The following AP2A2 variants were observed in gnomAD, a reference collection of about 807,000 sequenced individuals.
AP2A2 encodes adaptor related protein complex 2 subunit alpha 2.
A neutral mutation model predicts 104.2 loss-of-function variants in AP2A2; 32 were observed. That is an observed-to-expected ratio of 0.31 (90% CI 0.23 to 0.41). The LOEUF is 0.41. Ranked by LOEUF, AP2A2 falls within the 10% of genes least tolerant of loss-of-function variation. AP2A2 has a pLI of 1.00. For missense variants in AP2A2, 912 were observed against 1,261.0 expected, an observed-to-expected ratio of 0.72 and a Z score of 4.19; for synonymous variants, 539 against 533.3, an observed-to-expected ratio of 1.01 and a Z score of -0.15.
intron 1 of AP2A2, among the ~76,000 whole-genome samples, chr11:947,329 C>T (rs1229151300): frequency 1.3e-5 from 2 of 152,100 alleles, no homozygotes; most frequent in African/African-American, 2.4e-5. Flanking sequence ...CCTTAAAAGA[C>T]AACTGTACAA....
intron 1 of AP2A2, among the ~76,000 whole-genome samples, chr11:942,079 A>G (rs1005354243): frequency 6.6e-6 from 1 of 151,984 alleles, no homozygotes; most frequent in Non-Finnish European, 1.5e-5. Flanking sequence ...GGCGCCCACC[A>G]CCATGCCCGG....
intron 21 of AP2A2, chr11:1,010,176 C>T (rs1177200385): frequency 4.2e-6 from 2 of 474,776 alleles, no homozygotes; most frequent in African/African-American, 1.9e-5. Context: ...TCTGTCACCG[C>T]GTTGTTCCTT....
In AP2A2 at chr11:945,489, C is replaced by T. The variant is rs184498032; in HGVS notation, c.68-13948C>T. On this transcript the variant is annotated intron_variant, in intron 1 of 21. Transcript: ENST00000448903. Reference sequence around the variant, plus strand: ...GCTGGGATTATGAGTGCTGCCACCACGCCTGGCTAATTTTTGTATTTTTAG... The same window carrying T: ...GCTGGGATTATGAGTGCTGCCACCATGCCTGGCTAATTTTTGTATTTTTAG... Among the ~76,000 whole-genome samples the T allele has an allele frequency of 2.3e-3, 347 of 152,240 alleles. 1 individual carries two copies. The highest frequency in any genetic ancestry group is 6.6e-3 in the South Asian group (32 of 4,824).
chr11:965,581 C>T lies in AP2A2; in HGVS notation c.137-4588C>T, dbSNP rs145745769. On this transcript the variant is annotated intron_variant, in intron 2 of 21. Coordinates refer to ENST00000448903, the MANE Select transcript of AP2A2 (RefSeq NM_012305.4). ...GAGTCTCCCCTCTGGGCTCTTCCTACCTCTGCTATGGTAAGGATGTGCTTT... is the reference window on the plus strand; with the variant it reads ...GAGTCTCCCCTCTGGGCTCTTCCTATCTCTGCTATGGTAAGGATGTGCTTT... Among the ~76,000 whole-genome samples, 796 of 152,318 alleles carry T rather than the reference C, an allele frequency of 5.2e-3. 7 individuals are homozygous for T. The highest frequency in any genetic ancestry group is 5.7e-3 in the Non-Finnish European group (388 of 68,018).
chr11:1,011,397 C>T lies in AP2A2; in HGVS notation c.*772C>T, dbSNP rs1198695932. Reference sequence around the variant, plus strand: ...GCAAGACTCAGAGGTGTGCTCGTCTCTTTCCTGTCAGAGTGGGCGTCCCCA... The same window carrying T: ...GCAAGACTCAGAGGTGTGCTCGTCTTTTTCCTGTCAGAGTGGGCGTCCCCA... On this transcript the variant is annotated 3_prime_UTR_variant, in exon 22 of 22. Transcript: ENST00000448903. 3 of 514,684 alleles carry T rather than the reference C, an allele frequency of 5.8e-6. No homozygotes were observed. The highest frequency in any genetic ancestry group is 1.2e-5 in the Non-Finnish European group (3 of 257,876). The allele number at this position is 514,684 out of a possible 1,614,324, so 31.9% of individuals were successfully genotyped here. A position where few individuals can be genotyped will look rare whatever the true frequency, so the allele number is the denominator to read the frequency against.
chr11:984,583 TG>T, intron 6 of AP2A2, 61 bp from the exon 7 acceptor site: 1 of 1,378,704 alleles, frequency 7.3e-7, no homozygotes. Context: ...GGCTTTTCTT[TG>T]GGTCCCCGCA....
chr11:939,658 T>A (rs547929495), intron 1 of AP2A2, among the ~76,000 whole-genome samples: 30 of 152,252 alleles, frequency 2.0e-4, no homozygotes, highest in Non-Finnish European at 3.5e-4. Context: ...TTGACCAGGC[T>A]GGTTTTGAAC....
chr11:1,005,507 T>G (rs1464256777), intron 16 of AP2A2, among the ~76,000 whole-genome samples: 1 of 152,188 alleles, frequency 6.6e-6, no homozygotes, highest in Non-Finnish European at 1.5e-5. Flanking sequence ...TTTACCACAA[T>G]TTAGGAGAAA....
intron 2 of AP2A2, among the ~76,000 whole-genome samples, chr11:963,278 T>C (rs1854500274): frequency 6.6e-6 from 1 of 151,760 alleles, no homozygotes; most frequent in East Asian, 1.9e-4. Context: ...ATACAAGAAT[T>C]AGCTGGGCAT....
intron 1 of AP2A2, chr11:956,704 C>A (rs1426599257): frequency 1.3e-5 from 2 of 152,186 alleles, no homozygotes; most frequent in African/African-American, 4.8e-5. Context: ...GAGCGAGGTC[C>A]CTTTAGCAAT....
At chr11:979,874 A>G (rs1263358224) in intron 5 of AP2A2, among the ~76,000 whole-genome samples, 1 of 152,200 alleles carries the variant, frequency 6.6e-6, no homozygotes, top group African/African-American at 2.4e-5. Flanking sequence ...GCAAGTAGAC[A>G]CTTCCTGAGC....
chr11:1,009,622 C>G (rs28464902), intron 20 of AP2A2, 61 bp from the exon 21 acceptor site: 2 of 954,930 alleles, frequency 2.1e-6, no homozygotes, highest in Non-Finnish European at 3.1e-6. Flanking sequence ...GGGGCGGCCC[C>G]GGGGGACACG....
rs74047247 is a variant in AP2A2, at chr11:978,194, C to T, written c.603+970C>T. On this transcript the variant is annotated intron_variant, in intron 5 of 21. Coordinates refer to ENST00000448903, the MANE Select transcript of AP2A2 (RefSeq NM_012305.4). The stretch of plus-strand genomic sequence containing the variant: ...AGGGCCTGGTCAGGGAGGCAGGCCC[C>T]GGGCTCCTGCTGCACATGGCAGCCG... 3.5e-3 allele frequency among the ~76,000 whole-genome samples: 538 copies of T among 152,232 alleles called. 1 individual carries two copies. The highest frequency in any genetic ancestry group is 0.012 in the African/African-American group (499 of 41,546).
At chr11:1,010,512 G>A (rs1392649894) in intron 21 of AP2A2, 36 bp from the exon 22 acceptor site, 4 of 1,538,610 alleles carry the variant, frequency 2.6e-6, no homozygotes, top group South Asian at 1.2e-5. Context: ...TGTGAGCCTC[G>A]GCGTGCCCGT....
rs1185137349 is a variant in AP2A2 at position 931,192 on chromosome 11, C to T, written c.67+5104C>T. On this transcript the variant is annotated intron_variant, in intron 1 of 21. Transcript: ENST00000448903. The stretch of plus-strand genomic sequence containing the variant: ...CCATCGAGGTCCATTCAGGCTGGTG[C>T]ATTGATTGACATTGTATTTGAGCAA... Among the ~76,000 whole-genome samples the T allele has an allele frequency of 3.3e-5, 5 of 152,200 alleles. No homozygotes were observed. The East Asian group carries it at 9.6e-4, about 29-fold the overall frequency.
At position 954,082 on chromosome 11, in the gene AP2A2, G is replaced by A. The variant is rs1025634499; in HGVS notation, c.68-5355G>A. On this transcript the variant is annotated intron_variant, in intron 1 of 21. Coordinates refer to ENST00000448903, the MANE Select transcript of AP2A2 (RefSeq NM_012305.4). ...ACTCCTGACCTCAGGTGATCCGCCC[G>A]CCTCAGCCTCCCAAAGTGCAGACGT... Among the ~76,000 whole-genome samples the A allele has an allele frequency of 2.0e-5, 3 of 152,080 alleles. No homozygotes were observed. The East Asian group carries it at 5.8e-4, about 29-fold the overall frequency.
rs533048047 is a variant in AP2A2, at chr11:969,087, A to C, written c.137-1082A>C. The stretch of plus-strand genomic sequence containing the variant: ...CTGCGTTCCTTCACGCTGTGGCAGC[A>C]GAGTCTCTGTGAGACTCGGCCTGCA... On this transcript the variant is annotated intron_variant, in intron 2 of 21. Transcript: ENST00000448903. 4.4e-3 allele frequency among the ~76,000 whole-genome samples: 668 copies of C among 152,240 alleles called. 2 individuals carry two copies. The highest frequency in any genetic ancestry group is 0.016 in the African/African-American group (646 of 41,546).
intron 2 of AP2A2, among the ~76,000 whole-genome samples, chr11:965,798 A>G (rs925126013): frequency 6.6e-6 from 1 of 152,226 alleles, no homozygotes. Context: ...TTAAGCCTTT[A>G]GAAAACAACT....
At chr11:994,010 T>A in intron 13 of AP2A2, 25 bp downstream of exon 13, 1 of 1,609,264 alleles carries the variant, frequency 6.2e-7, no homozygotes, top group Non-Finnish European at 8.5e-7. Flanking sequence ...CCCTTCGGGC[T>A]GGCTTGGCTG....
Sources: gnomAD v4.1 joint callset for allele counts (sites outside exome capture counted in the v4.1 genomes callset) on GRCh38, gnomAD v4.1.1 for gene constraint, MANE v1.5 for transcripts, NCBI Gene and HGNC (gene_info 2026-07-23, HGNC 2026-07-21) for gene names.